The following GEN1 variants were observed in gnomAD, a reference collection of about 807,000 sequenced individuals.
The protein encoded by GEN1 is flap endonuclease GEN homolog 1.
Under a neutral mutation model 67.6 loss-of-function variants are expected in GEN1, and 64 were observed. The ratio of observed to expected loss-of-function variants is 0.95; its 90% CI spans 0.77 to 1.17. The LOEUF (loss-of-function observed/expected upper bound fraction) is 1.17. Among genes scored for constraint, GEN1 ranks in the 50% most tolerant of loss-of-function variants. GEN1 has a pLI of 0.00. For synonymous variants in GEN1, 371 were observed against 359.4 expected, an observed-to-expected ratio of 1.03 and a Z score of -0.37; for missense variants, 1,058 against 1,048.3, an observed-to-expected ratio of 1.01 and a Z score of -0.13.
intron 4 of GEN1, 153 bp downstream of exon 4, chr2:17,765,226 C>A: frequency 1.6e-6 from 1 of 637,594 alleles, no homozygotes; most frequent in South Asian, 2.2e-5. Flanking sequence ...AAAATCATTG[C>A]CACATAGTTC....
chr2:17,764,944 T>C lies in GEN1; in HGVS notation c.396T>C (p.Ala132=). 1 of 1,614,142 alleles carries C rather than the reference T, an allele frequency of 6.2e-7. No individual in the cohort carries two copies. The highest frequency in any genetic ancestry group is 1.1e-5 in the South Asian group (1 of 91,088). Residue 132 remains alanine (A), a synonymous_variant, in exon 4 of 14, where the codon GCT becomes GCC. Coordinates refer to ENST00000381254, the MANE Select transcript of GEN1 (RefSeq NM_001130009.3). ...TAGGAATCCCCTGGGTTCAGGCTGC[T>C]GGGGAAGCTGAAGCCATGTGTGCTT... ...ECLGIPWVQA[A]GEAEAMCAYL...
chr2:17,755,523 ATAATTT>A (rs775864604), intron 1 of GEN1: 54 of 152,248 alleles, frequency 3.5e-4, no homozygotes, highest in Non-Finnish European at 6.2e-4. Flanking sequence ...AATTGAAAAA[ATAATTT>A]TAAAGAACAG....
In GEN1 at chr2:17,781,334, A is replaced by G. The variant is rs747871854; in HGVS notation, c.2122A>G (p.Ile708Val). The G allele has an allele frequency of 1.2e-6, 2 of 1,613,792 alleles. No homozygotes were observed. The highest frequency in any genetic ancestry group is 1.1e-5 in the South Asian group (1 of 91,078). Residue 708 changes from isoleucine to valine, a missense_variant, in exon 14 of 14, where the codon ATT (isoleucine) becomes GTT (valine). Physicochemically the swap from Ile to Val is conservative, Grantham distance 29 (BLOSUM62 3). Transcript: ENST00000381254. ...CATACTTAGTGTAAAAGAATCTTGT[A>G]TTGCTAACAGTGGTTCTGATTGTAC... ...LSILSVKESCIANSGSDCTSH... is the reference protein window; with the variant it reads ...LSILSVKESCVANSGSDCTSH...
In GEN1 at chr2:17,761,828, G is replaced by A. The variant is rs2125122270; in HGVS notation, c.348+246G>A. Among the ~76,000 whole-genome samples the A allele has an allele frequency of 2.0e-5, 3 of 152,178 alleles. 1 individual carries two copies. In the Middle Eastern group the frequency reaches 0.01, roughly 518 times the overall value. ...TACCTTGTATGTTACCTTGTGAAATGACAACAGTAATACTCAGCAGGGATG... is the reference window on the plus strand; with the variant it reads ...TACCTTGTATGTTACCTTGTGAAATAACAACAGTAATACTCAGCAGGGATG... On this transcript the variant is annotated intron_variant, in intron 3 of 13. Transcript: ENST00000381254.
intron 3 of GEN1, among the ~76,000 whole-genome samples, chr2:17,762,083 TTA>T (rs1165152041): frequency 6.6e-6 from 1 of 151,850 alleles, no homozygotes; most frequent in Non-Finnish European, 1.5e-5. Context: ...AATATATTAT[TTA>T]TATGTTACTT....
intron 6 of GEN1, among the ~76,000 whole-genome samples, chr2:17,770,720 T>C (rs1672140933): frequency 6.6e-6 from 1 of 152,096 alleles, no homozygotes; most frequent in South Asian, 2.1e-4. Context: ...ATTTAGCTTT[T>C]TGATACAGTT....
chr2:17,768,834 T>G (rs774517546), intron 6 of GEN1, 23 bp downstream of exon 6: 29 of 1,392,114 alleles, frequency 2.1e-5, no homozygotes, highest in Non-Finnish European at 4.1e-6. Context: ...TACTTTCTCT[T>G]GTGACATTGA....
At chr2:17,765,553 T>G (rs1273836854) in intron 4 of GEN1, among the ~76,000 whole-genome samples, 1 of 152,186 alleles carries the variant, frequency 6.6e-6, no homozygotes, top group Non-Finnish European at 1.5e-5. Context: ...GGGAGACATT[T>G]TGGTTGCAAC....
intron 1 of GEN1, chr2:17,754,577 C>G (rs1031187836): frequency 6.6e-6 from 1 of 152,228 alleles, no homozygotes; most frequent in African/African-American, 2.4e-5. Flanking sequence ...TGCGCGTTCT[C>G]CGGCCGCTTG....
Position 17,780,961 on chromosome 2 carries a change from A to G in GEN1, c.1749A>G (p.Leu583=). Residue 583 remains leucine, a synonymous_variant, in exon 14 of 14, where the codon CTA becomes CTG. Coordinates refer to ENST00000381254, the MANE Select transcript of GEN1 (RefSeq NM_001130009.3). ...SSHNISVIAD[L]HLSTIDWEGT... ...ATAATATATCCGTGATTGCTGATCT[A>G]CACTTGAGCACTATTGACTGGGAAG... The G allele has an allele frequency of 6.2e-7, 1 of 1,613,606 alleles. No individual in the cohort carries two copies. Among genetic ancestry groups the G allele is most frequent in the Non-Finnish European group, 8.5e-7 (1 of 1,179,620 alleles).
chr2:17,760,921 CAAA>C (rs763646870), intron 2 of GEN1, among the ~76,000 whole-genome samples: 2 of 89,582 alleles, frequency 2.2e-5, no homozygotes, highest in Non-Finnish European at 4.7e-5. Flanking sequence ...GACTCCACCT[CAAA>C]AAAAAAAAAA....
intron 2 of GEN1, among the ~76,000 whole-genome samples, chr2:17,760,650 A>T (rs2555071): frequency 1.3e-5 from 2 of 152,034 alleles, no homozygotes; most frequent in African/African-American, 2.4e-5. Context: ...GGCCGCGTGC[A>T]GTGGCTCACG....
At position 17,781,585 on chromosome 2, in the gene GEN1, GAAGAAGA is replaced by G; in HGVS notation, c.2374_2380del (p.Lys792ValfsTer27). The stretch of plus-strand genomic sequence containing the variant: ...TGCAAACCACTCGGAAAATTTTAAT[GAAGAAGA>G]GTGTTTGCCTTGACAGACATTCCTC... On this transcript the variant is annotated frameshift_variant, in exon 14 of 14. Transcript: ENST00000381254. LOFTEE classifies it low-confidence loss of function (END_TRUNC). 1 of 1,613,974 alleles carries G rather than the reference GAAGAAGA, an allele frequency of 6.2e-7. No individual in the cohort carries two copies. Among genetic ancestry groups the G allele is most frequent in the Non-Finnish European group, 8.5e-7 (1 of 1,179,940 alleles).
intron 11 of GEN1, among the ~76,000 whole-genome samples, chr2:17,776,899 C>CGGAT (rs1672459098): frequency 6.6e-6 from 1 of 152,082 alleles, no homozygotes; most frequent in Admixed American, 6.5e-5. Flanking sequence ...CCAAAGCAGG[C>CGGAT]GGATCAGTTG....
intron 1 of GEN1, among the ~76,000 whole-genome samples, chr2:17,756,721 C>T (rs1671449195): frequency 1.3e-5 from 2 of 152,078 alleles, no homozygotes; most frequent in African/African-American, 4.8e-5. Flanking sequence ...CTACCATGCC[C>T]GGCTAGTGTA....
chr2:17,769,618 T>C (rs1359025907), intron 6 of GEN1, among the ~76,000 whole-genome samples: 7 of 152,242 alleles, frequency 4.6e-5, no homozygotes, highest in Non-Finnish European at 1.0e-4. Flanking sequence ...GCAACATTAA[T>C]TGAAATCTTA....
At position 17,759,955 on chromosome 2, in the gene GEN1, T is replaced by A; in HGVS notation, c.12T>A (p.Asn4Lys). The A allele has an allele frequency of 6.2e-7, 1 of 1,613,970 alleles. No individual in the cohort carries two copies. The highest frequency in any genetic ancestry group is 8.5e-7 in the Non-Finnish European group (1 of 1,179,928). MGVNDLWQILEPVK... is the reference protein window; with the variant it reads MGVKDLWQILEPVK... ...AGATAATCACCAGAATGGGAGTGAA[T>A]GACTTGTGGCAAATTTTGGAGCCTG... Residue 4 changes from asparagine (N) to lysine (K), a missense_variant, in exon 2 of 14, where the codon AAT (asparagine) becomes AAA (lysine). Transcript: ENST00000381254.
At chr2:17,759,348 G>T (rs1055962746) in intron 1 of GEN1, among the ~76,000 whole-genome samples, 6 of 152,200 alleles carry the variant, frequency 3.9e-5, no homozygotes, top group Non-Finnish European at 5.9e-5. Flanking sequence ...GTGGAAAAAG[G>T]TTTAACTTTA....
chr2:17,768,696 G>C, intron 5 of GEN1, 42 bp from the exon 6 acceptor site: 1 of 1,363,506 alleles, frequency 7.3e-7, no homozygotes, highest in African/African-American at 1.4e-5. Flanking sequence ...ACCATTCCTA[G>C]TGATTAACAT....
Sources: allele counts gnomAD v4.1 joint callset (sites outside exome capture counted in the v4.1 genomes callset), GRCh38; gene constraint gnomAD v4.1.1; transcripts MANE v1.5; gene names NCBI Gene and HGNC (gene_info 2026-07-23, HGNC 2026-07-21).